Variants in SEMA3A observed in about 807,000 individuals in gnomAD.
SEMA3A encodes semaphorin 3A.
SEMA3A carries 29 observed loss-of-function variants against 97.9 expected under a neutral mutation model. The ratio of observed to expected loss-of-function variants is 0.30; its 90% CI spans 0.22 to 0.40. The LOEUF (loss-of-function observed/expected upper bound fraction) is 0.40, where lower values mean the gene tolerates loss of function less well. Ranked by LOEUF, SEMA3A falls within the 10% of genes least tolerant of loss-of-function variation. SEMA3A has a pLI of 1.00. For missense variants in SEMA3A, 763 were observed against 951.3 expected, an observed-to-expected ratio of 0.80 and a Z score of 2.60; for synonymous variants, 321 against 323.7, an observed-to-expected ratio of 0.99 and a Z score of 0.09.
intron 13 of SEMA3A, among the ~76,000 whole-genome samples, chr7:83,984,124 A>C (rs926463914): frequency 2.0e-5 from 3 of 152,300 alleles, no homozygotes; most frequent in African/African-American, 7.2e-5. Context: ...AACAGAAAGA[A>C]ATGGTTTACA....
intron 2 of SEMA3A, among the ~76,000 whole-genome samples, chr7:84,132,594 A>G (rs1795992818): frequency 6.6e-6 from 1 of 151,530 alleles, no homozygotes; most frequent in Admixed American, 6.6e-5. Context: ...ATTATTATAA[A>G]TACCTACAAT....
At chr7:84,122,462 C>A (rs540122351) in intron 3 of SEMA3A, among the ~76,000 whole-genome samples, 11 of 151,912 alleles carry the variant, frequency 7.2e-5, no homozygotes, top group Non-Finnish European at 1.5e-4. Context: ...CTAGTCAGGG[C>A]GTCTGCTCAT....
At chr7:84,387,612 T>A (rs563780998) in intron 1 of SEMA3A, among the ~76,000 whole-genome samples, 1 of 152,170 alleles carries the variant, frequency 6.6e-6, no homozygotes, top group East Asian at 1.9e-4. Context: ...TTTCTTTTCA[T>A]TGGAAACTGG....
chr7:84,116,181 GAA>G (rs1795424752), intron 3 of SEMA3A, among the ~76,000 whole-genome samples: 2 of 152,172 alleles, frequency 1.3e-5, no homozygotes, highest in African/African-American at 4.8e-5. Flanking sequence ...CCAAAGTACT[GAA>G]GTCTGTTTTA....
chr7:84,215,992 A>T (rs1178927598), intron 3 of SEMA3A, among the ~76,000 whole-genome samples: 1 of 152,128 alleles, frequency 6.6e-6, no homozygotes, highest in African/African-American at 2.4e-5. Context: ...TTATTCATTT[A>T]TTGAACAAAT....
At chr7:84,239,163 T>C (rs1190211230) in intron 3 of SEMA3A, among the ~76,000 whole-genome samples, 1 of 152,188 alleles carries the variant, frequency 6.6e-6, no homozygotes, top group Non-Finnish European at 1.5e-5. Flanking sequence ...GTCTGCAAGA[T>C]TTCATGATTG....
At chr7:83,965,061 T>G (rs1417482378) in intron 15 of SEMA3A, among the ~76,000 whole-genome samples, 1 of 151,728 alleles carries the variant, frequency 6.6e-6, no homozygotes, top group African/African-American at 2.4e-5. Flanking sequence ...CATTGAATAC[T>G]TTTTTTTCTA....
intron 4 of SEMA3A, among the ~76,000 whole-genome samples, chr7:84,090,741 T>C (rs34197283): frequency 0.41 from 62,569 of 151,810 alleles, 14,745 homozygotes; most frequent in Admixed American, 0.52. Context: ...TTATCAAATA[T>C]GTAAAATATT....
At chr7:84,014,971 T>A (rs1791040822) in intron 6 of SEMA3A, among the ~76,000 whole-genome samples, 1 of 152,140 alleles carries the variant, frequency 6.6e-6, no homozygotes, top group Admixed American at 6.5e-5. Flanking sequence ...CATTCTTCAA[T>A]ACCACCTTCC....
In SEMA3A at chr7:84,048,879, G is replaced by A. The variant is rs192400457; in HGVS notation, c.548-2436C>T. Among the ~76,000 whole-genome samples the A allele has an allele frequency of 2.8e-3, 422 of 152,036 alleles. 1 individual carries two copies. The highest frequency in any genetic ancestry group is 6.8e-3 in the Middle Eastern group (2 of 292). On this transcript the variant is annotated intron_variant, in intron 5 of 16. Coordinates refer to ENST00000265362, the MANE Select transcript of SEMA3A (RefSeq NM_006080.3). ...TTTAAAGTCTATTCAAGAGGCAGCT[G>A]AAATAGTAAAATCAACAACTAAAAA...
intron 2 of SEMA3A, among the ~76,000 whole-genome samples, chr7:84,323,557 G>A (rs1449788147): frequency 2.6e-5 from 4 of 151,864 alleles, no homozygotes; most frequent in East Asian, 3.9e-4. Context: ...GAGTGAAAAC[G>A]AGTAAATTTT....
At chr7:84,368,850 T>C (rs1584269676) in intron 2 of SEMA3A, among the ~76,000 whole-genome samples, 1 of 150,816 alleles carries the variant, frequency 6.6e-6, no homozygotes, top group Admixed American at 6.7e-5. Flanking sequence ...AAAACACATA[T>C]ATAGGCTATA....
intron 1 of SEMA3A, among the ~76,000 whole-genome samples, chr7:84,381,191 G>A (rs1013513645): frequency 2.0e-5 from 3 of 152,058 alleles, no homozygotes; most frequent in Admixed American, 6.6e-5. Context: ...ATAAAGAGAG[G>A]GTGATTCTAA....
chr7:84,011,117 G>T, intron 8 of SEMA3A, 26 bp from the exon 9 acceptor site: 1 of 1,606,518 alleles, frequency 6.2e-7, no homozygotes, highest in Non-Finnish European at 8.5e-7. Flanking sequence ...ATTGGAGAAA[G>T]TTGCTTTTTT....
At chr7:84,081,218 T>C (rs775052025) in intron 4 of SEMA3A, among the ~76,000 whole-genome samples, 4 of 152,084 alleles carry the variant, frequency 2.6e-5, no homozygotes, top group African/African-American at 9.7e-5. Context: ...GATGGGGGCA[T>C]GATAGGCAAG....
chr7:84,149,574 A>C (rs1220523561), intron 1 of SEMA3A, among the ~76,000 whole-genome samples: 2 of 152,234 alleles, frequency 1.3e-5, no homozygotes, highest in Admixed American at 1.3e-4. Context: ...CACAATGTCA[A>C]ACGTCAAATT....
chr7:84,333,132 A>G (rs1801945846), intron 2 of SEMA3A, among the ~76,000 whole-genome samples: 1 of 152,094 alleles, frequency 6.6e-6, no homozygotes, highest in African/African-American at 2.4e-5. Flanking sequence ...GACAATTGTA[A>G]CTTTGTACTT....
intron 15 of SEMA3A, among the ~76,000 whole-genome samples, chr7:83,964,256 T>C (rs1231805582): frequency 1.3e-5 from 2 of 152,180 alleles, no homozygotes; most frequent in East Asian, 3.9e-4. Flanking sequence ...CCTGTTTCCA[T>C]TATGACATCC....
chr7:84,216,334 T>C (rs1410581352), intron 3 of SEMA3A, among the ~76,000 whole-genome samples: 1 of 152,124 alleles, frequency 6.6e-6, no homozygotes, highest in African/African-American at 2.4e-5. Flanking sequence ...CTCAATCTCC[T>C]GACCTCATGA....
Sources: allele counts gnomAD v4.1 joint callset (sites outside exome capture counted in the v4.1 genomes callset), GRCh38; gene constraint gnomAD v4.1.1; transcripts MANE v1.5; gene names NCBI Gene and HGNC (gene_info 2026-07-23, HGNC 2026-07-21).